FBXL17: variants seen among roughly 807,000 people sequenced by gnomAD.
FBXL17 encodes the protein F-box and leucine rich repeat protein 17.
In FBXL17, 22 loss-of-function variants were observed where a neutral mutation model predicts 66.2. The observed-to-expected ratio is 0.33, with a 90% CI of 0.24 to 0.47. The LOEUF (loss-of-function observed/expected upper bound fraction) is 0.47. Among genes scored for constraint, FBXL17 ranks in the 20% least tolerant of loss-of-function variants. FBXL17 has a pLI of 1.00. For synonymous variants in FBXL17, 474 were observed against 400.5 expected (o/e 1.18, Z -2.19); for missense variants, 878 against 948.2 (o/e 0.93, Z 0.97).
At chr5:107,970,960 C>A (rs7713778) in intron 7 of FBXL17, among the ~76,000 whole-genome samples, 43,326 of 151,954 alleles carry the variant, frequency 0.29, 6,380 homozygotes, top group Middle Eastern at 0.35. Context: ...ATATGCCCGA[C>A]AGAATCTAGA....
intron 7 of FBXL17, among the ~76,000 whole-genome samples, chr5:107,943,110 C>G (rs1219599787): frequency 6.6e-6 from 1 of 152,094 alleles, no homozygotes; most frequent in African/African-American, 2.4e-5. Flanking sequence ...TGTAGGTGAG[C>G]CCAGGCTCTG....
At chr5:108,222,760 G>A (rs112740056) in intron 5 of FBXL17, among the ~76,000 whole-genome samples, 11 of 138,402 alleles carry the variant, frequency 7.9e-5, no homozygotes, top group African/African-American at 2.7e-4. Flanking sequence ...TGCAACCTCC[G>A]CCTCTCGGGT....
intron 7 of FBXL17, among the ~76,000 whole-genome samples, chr5:107,915,371 C>A (rs1299143566): frequency 3.9e-5 from 6 of 152,032 alleles, no homozygotes; most frequent in African/African-American, 7.2e-5. Context: ...AAAAAAGAAC[C>A]GTAGTTAATA....
At chr5:107,885,925 T>C (rs1226634705) in intron 7 of FBXL17, among the ~76,000 whole-genome samples, 2 of 145,628 alleles carry the variant, frequency 1.4e-5, no homozygotes, top group East Asian at 2.1e-4. Flanking sequence ...TGAACCATAA[T>C]AATGCTTTAC....
chr5:108,098,865 T>C (rs927859952), intron 6 of FBXL17, among the ~76,000 whole-genome samples: 1 of 151,998 alleles, frequency 6.6e-6, no homozygotes, highest in Admixed American at 6.6e-5. Flanking sequence ...AACATGAATA[T>C]ATCATGTTTA....
intron 7 of FBXL17, among the ~76,000 whole-genome samples, chr5:107,937,099 G>C (rs1053377594): frequency 7.2e-5 from 11 of 151,802 alleles, no homozygotes; most frequent in Non-Finnish European, 1.2e-4. Flanking sequence ...AGAAAGTCAA[G>C]ATAAAACCTG....
intron 3 of FBXL17, among the ~76,000 whole-genome samples, chr5:108,350,829 C>T (rs1747596918): frequency 6.6e-6 from 1 of 152,146 alleles, no homozygotes; most frequent in East Asian, 1.9e-4. Flanking sequence ...CAGGAAGGTA[C>T]TGGAATCTGT....
rs781095999 is a variant in FBXL17 at position 108,020,992 on chromosome 5, C to T, written c.1755G>A (p.Glu585=). Residue 585 remains glutamate, a synonymous_variant, in exon 7 of 9, where the codon GAG becomes GAA. Transcript: ENST00000542267. The stretch of plus-strand genomic sequence containing the variant: ...GGTTTTGTCCTTCCTTTGCAATGAC[C>T]TCCACACACCTGAAACATACAAAAA... ...LNWIINDRCV[E]VIAKEGQNLK... 5 of 1,609,510 alleles carry T rather than the reference C, an allele frequency of 3.1e-6. No individual in the cohort carries two copies. The Admixed American group carries it at 5.0e-5, about 16-fold the overall frequency.
At chr5:108,374,237 T>C (rs538105848) in intron 1 of FBXL17, among the ~76,000 whole-genome samples, 2 of 152,310 alleles carry the variant, frequency 1.3e-5, no homozygotes, top group African/African-American at 4.8e-5. Flanking sequence ...CAAAATAGAA[T>C]ACACATTCTT....
intron 6 of FBXL17, among the ~76,000 whole-genome samples, chr5:108,090,062 C>T (rs1428233879): frequency 6.6e-6 from 1 of 152,150 alleles, no homozygotes; most frequent in East Asian, 1.9e-4. Context: ...CTCCCAAGCT[C>T]AAGCAATCTA....
chr5:108,214,987 T>C (rs1197828504), intron 5 of FBXL17, among the ~76,000 whole-genome samples: 2 of 152,200 alleles, frequency 1.3e-5, no homozygotes, highest in Non-Finnish European at 2.9e-5. Context: ...CTATCCTCTT[T>C]ATCATAATGC....
Position 108,381,174 on chromosome 5 carries a change from G to A in FBXL17, c.518C>T (p.Pro173Leu), listed in dbSNP as rs1266067282. Residue 173 changes from proline (P) to leucine (L), a missense_variant, in exon 1 of 9, where the codon CCC (proline) becomes CTC (leucine). By Grantham distance (98) the Pro-to-Leu change is moderately conservative (BLOSUM62 -3). Transcript: ENST00000542267. Reference sequence around the variant, plus strand: ...CCCCCGGAAGAGCTGCACGGCGGCGGGCGGCCCCAGGAAGCGCACCGGCCC... The same window carrying A: ...CCCCCGGAAGAGCTGCACGGCGGCGAGCGGCCCCAGGAAGCGCACCGGCCC... ...SLGPVRFLGP[P>L]AAVQLFRGPT... is the part of the protein sequence containing the mutation. 1.4e-5 allele frequency: 20 copies of A among 1,430,350 alleles called. No individual in the cohort carries two copies. Among genetic ancestry groups the A allele is most frequent in the Non-Finnish European group, 1.8e-5 (20 of 1,093,864 alleles). 88.6% of individuals were successfully genotyped at this position (1,430,350 alleles called of 1,614,324 possible).
intron 7 of FBXL17, among the ~76,000 whole-genome samples, chr5:107,945,732 A>C (rs928441165): frequency 1.3e-5 from 2 of 152,184 alleles, no homozygotes; most frequent in African/African-American, 2.4e-5. Context: ...TGTGCCAGGG[A>C]ATGATACTAC....
chr5:108,094,112 C>T (rs1201771659), intron 6 of FBXL17, among the ~76,000 whole-genome samples: 1 of 152,136 alleles, frequency 6.6e-6, no homozygotes, highest in Non-Finnish European at 1.5e-5. Context: ...AGCTCTTAAA[C>T]TTTAAATGGT....
rs1259776236 is a variant in FBXL17, at chr5:108,380,877, G to A, written c.815C>T (p.Thr272Ile). Reference protein sequence around the residue: ...PSSPTSEGAPTEAGGDAVRAG... With the variant: ...PSSPTSEGAPIEAGGDAVRAG... ...TCGGACAGCGTCCCCGCCAGCTTCG[G>A]TGGGGGCACCTTCGGAGGTGGGAGA... Residue 272 changes from threonine to isoleucine, a missense_variant, in exon 1 of 9, where the codon ACC becomes ATC. Thr to Ile is a moderately conservative substitution (Grantham distance 89). Around this residue, in one of 4 missense-constraint regions of FBXL17, gnomAD observed 605 missense variants for 509.5 expected, o/e 1.19. Transcript: ENST00000542267. The A allele has an allele frequency of 4.8e-6, 6 of 1,241,942 alleles. No individual in the cohort carries two copies. Among genetic ancestry groups the A allele is most frequent in the Admixed American group, 4.2e-5 (1 of 23,692 alleles). The allele number at this position is 1,241,942 out of a possible 1,614,324, so 76.9% of individuals were successfully genotyped here. A position where few individuals can be genotyped will look rare whatever the true frequency, so the allele number is the denominator to read the frequency against.
intron 6 of FBXL17, among the ~76,000 whole-genome samples, chr5:108,053,484 AGAGT>A (rs1284446890): frequency 6.6e-6 from 1 of 152,172 alleles, no homozygotes; most frequent in Non-Finnish European, 1.5e-5. Flanking sequence ...CCTAGACAAC[AGAGT>A]GAGACTCCAT....
chr5:108,002,317 C>T (rs1753764240), intron 7 of FBXL17, among the ~76,000 whole-genome samples: 1 of 151,866 alleles, frequency 6.6e-6, no homozygotes, highest in African/African-American at 2.4e-5. Flanking sequence ...AGCCACCGCG[C>T]CCAGTCGTCT....
intron 6 of FBXL17, among the ~76,000 whole-genome samples, chr5:108,136,556 G>A (rs1267323405): frequency 6.6e-6 from 1 of 152,168 alleles, no homozygotes; most frequent in African/African-American, 2.4e-5. Flanking sequence ...TAGCTGAATA[G>A]CTTCTGCAGC....
rs143806373 is a variant in FBXL17, at chr5:108,107,811, C to CAAA, written c.1745+78303_1745+78305dup. The stretch of plus-strand genomic sequence containing the variant: ...TGGGCAACACAGCAAGACTCTGTCT[C>CAAA]AAAAAAAAAAAAGAAAAGAAAAAAG... On this transcript the variant is annotated intron_variant, in intron 6 of 8. Transcript: ENST00000542267. Among the ~76,000 whole-genome samples, 392 of 120,632 alleles carry CAAA rather than the reference C, an allele frequency of 3.2e-3. 6 individuals carry two copies. Among genetic ancestry groups the CAAA allele is most frequent in the South Asian group, 0.01 (33 of 3,150 alleles). The allele number at this position is 120,632 out of a possible 152,430, so 79.1% of individuals were successfully genotyped here. A position where few individuals can be genotyped will look rare whatever the true frequency, so the allele number is the denominator to read the frequency against.
Sources: gnomAD v4.1 joint callset for allele counts (sites outside exome capture counted in the v4.1 genomes callset) on GRCh38, gnomAD v4.1.1 for gene constraint, gnomAD v4.1.1 regional missense constraint, MANE v1.5 for transcripts, NCBI Gene and HGNC (gene_info 2026-07-23, HGNC 2026-07-21) for gene names.